Variants in CDKAL1 observed in about 807,000 individuals in gnomAD.
The protein encoded by CDKAL1 is CDKAL1 threonylcarbamoyladenosine tRNA methylthiotransferase.
Under a neutral mutation model 68.2 loss-of-function variants are expected in CDKAL1, and 32 were observed. The ratio of observed to expected loss-of-function variants is 0.47; its 90% CI spans 0.35 to 0.63. CDKAL1 has a LOEUF of 0.63. Among genes scored for constraint, CDKAL1 ranks in the 30% least tolerant of loss-of-function variants. The pLI is 0.00. For missense variants in CDKAL1, 606 were observed against 696.7 expected, an observed-to-expected ratio of 0.87 and a Z score of 1.47; for synonymous variants, 234 against 244.3, an observed-to-expected ratio of 0.96 and a Z score of 0.39.
chr6:21,009,733 T>G (rs1015008869), intron 11 of CDKAL1, among the ~76,000 whole-genome samples: 1 of 152,108 alleles, frequency 6.6e-6, no homozygotes, highest in Non-Finnish European at 1.5e-5. Flanking sequence ...TTAACTGAAA[T>G]AAACCAGGCA....
At chr6:20,723,307 C>G (rs1415011677) in intron 5 of CDKAL1, among the ~76,000 whole-genome samples, 1 of 152,250 alleles carries the variant, frequency 6.6e-6, no homozygotes, top group Non-Finnish European at 1.5e-5. Flanking sequence ...TAAAGAAGCA[C>G]TGTATCACCC....
chr6:21,210,351 T>C (rs1336219930), intron 15 of CDKAL1, among the ~76,000 whole-genome samples: 1 of 152,140 alleles, frequency 6.6e-6, no homozygotes, highest in Non-Finnish European at 1.5e-5. Flanking sequence ...GGTTAGGTCA[T>C]GAGGGCGGAG....
intron 5 of CDKAL1, among the ~76,000 whole-genome samples, chr6:20,711,394 C>T (rs1406383019): frequency 6.6e-6 from 1 of 152,134 alleles, no homozygotes; most frequent in African/African-American, 2.4e-5. Context: ...ATTCCTTAAT[C>T]ACCTGTAATA....
chr6:21,171,257 G>C (rs908547598), intron 13 of CDKAL1, among the ~76,000 whole-genome samples: 1 of 152,038 alleles, frequency 6.6e-6, no homozygotes, highest in Non-Finnish European at 1.5e-5. Flanking sequence ...GTGATGCCCA[G>C]GCTGAAGTGC....
At chr6:20,575,451 A>C (rs1314148979) in intron 4 of CDKAL1, among the ~76,000 whole-genome samples, 1 of 151,488 alleles carries the variant, frequency 6.6e-6, no homozygotes, top group Non-Finnish European at 1.5e-5. Context: ...CAAAAAAAAA[A>C]AAAAAAAAAA....
chr6:20,548,564 CT>C (rs762740830), intron 3 of CDKAL1, 28 bp from the exon 4 acceptor site: 27,157 of 745,614 alleles, frequency 0.036, no homozygotes, highest in East Asian at 0.044. Flanking sequence ...ATGAAACTTA[CT>C]TTTTTTTTTT....
At chr6:21,144,692 T>G (rs1472897777) in intron 13 of CDKAL1, among the ~76,000 whole-genome samples, 1 of 150,468 alleles carries the variant, frequency 6.6e-6, no homozygotes, top group East Asian at 2.0e-4. Context: ...CCCAGCTACC[T>G]GGGAGGCTCA....
intron 10 of CDKAL1, among the ~76,000 whole-genome samples, chr6:20,989,137 A>G (rs1461636800): frequency 4.6e-5 from 7 of 152,116 alleles, no homozygotes; most frequent in East Asian, 1.9e-4. Flanking sequence ...CCGCAGAAAC[A>G]GTAAAAAAAA....
chr6:20,991,559 T>C (rs569587014), intron 10 of CDKAL1, among the ~76,000 whole-genome samples: 1 of 151,734 alleles, frequency 6.6e-6, no homozygotes, highest in Admixed American at 6.6e-5. Flanking sequence ...ATACAAAAAT[T>C]AGCCAGGCAT....
At chr6:21,017,019 A>G (rs886161627) in intron 11 of CDKAL1, among the ~76,000 whole-genome samples, 1 of 152,218 alleles carries the variant, frequency 6.6e-6, no homozygotes, top group Non-Finnish European at 1.5e-5. Context: ...CCTACAGTAT[A>G]AGGAACAGTA....
intron 8 of CDKAL1, among the ~76,000 whole-genome samples, chr6:20,832,806 GATAATGACAT>G (rs1363801063): frequency 1.3e-5 from 2 of 152,162 alleles, no homozygotes; most frequent in African/African-American, 4.8e-5. Context: ...ATAACTTAAT[GATAATGACAT>G]ATAATGACAT....
chr6:20,663,067 C>T (rs1769361239), intron 5 of CDKAL1, among the ~76,000 whole-genome samples: 1 of 151,984 alleles, frequency 6.6e-6, no homozygotes, highest in Admixed American at 6.6e-5. Flanking sequence ...TGCACTTTCC[C>T]CCACAAAAAA....
intron 9 of CDKAL1, among the ~76,000 whole-genome samples, chr6:20,935,795 C>T (rs1355905967): frequency 6.6e-6 from 1 of 152,128 alleles, no homozygotes; most frequent in Non-Finnish European, 1.5e-5. Context: ...GTCTACAACT[C>T]CTGCGCTCAA....
chr6:20,638,066 G>C (rs892801815), intron 4 of CDKAL1, among the ~76,000 whole-genome samples: 2 of 152,074 alleles, frequency 1.3e-5, no homozygotes, highest in African/African-American at 4.8e-5. Context: ...CTTAAAAGGT[G>C]AACTGCTAGG....
At chr6:20,562,371 G>A (rs1302806475) in intron 4 of CDKAL1, among the ~76,000 whole-genome samples, 1 of 152,124 alleles carries the variant, frequency 6.6e-6, no homozygotes, top group East Asian at 1.9e-4. Flanking sequence ...GATCTGGAAT[G>A]CTATTTACTC....
At chr6:21,178,907 G>A (rs557952119) in intron 13 of CDKAL1, among the ~76,000 whole-genome samples, 20 of 152,322 alleles carry the variant, frequency 1.3e-4, no homozygotes, top group Admixed American at 2.6e-4. Context: ...ATAGCTCACA[G>A]CAGACTACAC....
chr6:20,999,769 A>G (rs1053509697), intron 10 of CDKAL1, among the ~76,000 whole-genome samples: 5 of 149,004 alleles, frequency 3.4e-5, no homozygotes, highest in African/African-American at 9.9e-5. Context: ...TAATATTTGT[A>G]TTAAAAAATG....
chr6:20,935,124 G>A (rs905546858), intron 9 of CDKAL1, among the ~76,000 whole-genome samples: 5 of 152,084 alleles, frequency 3.3e-5, no homozygotes, highest in Non-Finnish European at 7.3e-5. Flanking sequence ...TTGAACTCGT[G>A]ACCTCAAGAT....
At chr6:21,089,488 AC>A (rs1772884363) in intron 12 of CDKAL1, among the ~76,000 whole-genome samples, 1 of 152,182 alleles carries the variant, frequency 6.6e-6, no homozygotes, top group Non-Finnish European at 1.5e-5. Context: ...AGAAAAAAAA[AC>A]AAAAGTGCAA....
Sources: gnomAD v4.1 joint callset for allele counts (sites outside exome capture counted in the v4.1 genomes callset) on GRCh38, gnomAD v4.1.1 for gene constraint, MANE v1.5 for transcripts, NCBI Gene and HGNC (gene_info 2026-07-23, HGNC 2026-07-21) for gene names.